Variants in TMLHE observed in about 807,000 individuals in gnomAD.
The protein encoded by TMLHE is trimethyllysine dioxygenase, mitochondrial.
TMLHE carries 18 observed loss-of-function variants against 25.7 expected under a neutral mutation model. That is an observed-to-expected ratio of 0.70 (90% confidence interval 0.48 to 1.04). The LOEUF is 1.04. Among genes scored for constraint, TMLHE ranks in the 50% least tolerant of loss-of-function variants. The probability of loss-of-function intolerance (pLI) is 0.00; values close to 1 mark genes in which losing one functional copy is unlikely to be tolerated. For synonymous variants in TMLHE, 105 were observed against 97.0 expected (o/e 1.08, Z -0.49); for missense variants, 236 against 259.0 (o/e 0.91, Z 0.61).
intron 5 of TMLHE, among the ~76,000 whole-genome samples, chrX:155,509,140 G>C (rs1245719824): frequency 9.0e-6 from 1 of 111,316 alleles, no homozygotes; most frequent in Admixed American, 9.6e-5. Flanking sequence ...GAAAATTATA[G>C]CTAATATTTA....
intron 1 of TMLHE, among the ~76,000 whole-genome samples, chrX:155,610,763 G>C (rs1403924330): frequency 9.0e-6 from 1 of 111,372 alleles, no homozygotes; most frequent in Non-Finnish European, 1.9e-5. Flanking sequence ...AAAATATTCA[G>C]GATGTAGAAG....
chrX:155,599,940 TC>T (rs1270689975), intron 1 of TMLHE, among the ~76,000 whole-genome samples: 6 of 111,431 alleles, frequency 5.4e-5, no homozygotes, highest in Admixed American at 9.6e-5. Flanking sequence ...CCTGAAATGT[TC>T]AGGACAGTCC....
chrX:155,512,737 G>A (rs1557333904), intron 4 of TMLHE, among the ~76,000 whole-genome samples: 1 of 111,709 alleles, frequency 9.0e-6, no homozygotes, highest in Non-Finnish European at 1.9e-5. Context: ...AGACACAGAA[G>A]TGATTAATGT....
intron 1 of TMLHE, among the ~76,000 whole-genome samples, chrX:155,575,387 G>A (rs1439040957): frequency 8.9e-6 from 1 of 111,990 alleles, no homozygotes; most frequent in African/African-American, 3.2e-5. Context: ...TAACATATGA[G>A]TCATTGGAGT....
rs782762915 is a variant in TMLHE at position 155,548,595 on chromosome X, T to C, written c.-1-3318A>G. 1.8e-3 allele frequency among the ~76,000 whole-genome samples: 193 copies of C among 108,265 alleles called. 1 individual carries two copies. Among genetic ancestry groups the C allele is most frequent in the Middle Eastern group, 4.6e-3 (1 of 216 alleles). The allele number at this position is 108,265 out of a possible 115,157, so 94.0% of individuals were successfully genotyped here. On this transcript the variant is annotated intron_variant, in intron 1 of 7. Transcript: ENST00000334398. Reference sequence around the variant, plus strand: ...CTAAAAAATACAAAAATTAGCCGGGTGTGGTGGCACACACCTGTATTCCCA... The same window carrying C: ...CTAAAAAATACAAAAATTAGCCGGGCGTGGTGGCACACACCTGTATTCCCA...
intron 1 of TMLHE, among the ~76,000 whole-genome samples, chrX:155,587,331 A>T (rs186494315): frequency 8.9e-6 from 1 of 111,761 alleles, no homozygotes; most frequent in Admixed American, 9.5e-5. Context: ...CATGATAAAA[A>T]CTCTCAACAA....
chrX:155,563,146 G>A lies in TMLHE; in HGVS notation c.-1-17869C>T, dbSNP rs782443792. On this transcript the variant is annotated intron_variant, in intron 1 of 7. Coordinates refer to ENST00000334398, the MANE Select transcript of TMLHE (RefSeq NM_018196.4). ...CTCCTGGTACCCATTTTCTGTATTC[G>A]TCCATTTTCACACTGCTATAAAGAA... Among the ~76,000 whole-genome samples, 8 of 61,982 alleles carry A rather than the reference G, an allele frequency of 1.3e-4. 3 individuals are homozygous for A. The highest frequency in any genetic ancestry group is 9.7e-4 in the South Asian group (1 of 1,032). The allele number at this position is 61,982 out of a possible 115,157, so 53.8% of individuals were successfully genotyped here. A position where few individuals can be genotyped will look rare whatever the true frequency, so the allele number is the denominator to read the frequency against.
chrX:155,588,474 A>G (rs2067677104), intron 1 of TMLHE, among the ~76,000 whole-genome samples: 1 of 111,967 alleles, frequency 8.9e-6, no homozygotes, highest in South Asian at 3.8e-4. Flanking sequence ...TATAATAAAA[A>G]CATACAAATG....
At chrX:155,601,649 A>C (rs1445234768) in intron 1 of TMLHE, among the ~76,000 whole-genome samples, 3 of 111,798 alleles carry the variant, frequency 2.7e-5, no homozygotes, top group African/African-American at 9.7e-5. Flanking sequence ...AAAGAAGTCA[A>C]GAAACATTAA....
chrX:155,531,404 T>TGA (rs1290599398), intron 2 of TMLHE, among the ~76,000 whole-genome samples: 3 of 110,728 alleles, frequency 2.7e-5, no homozygotes, highest in African/African-American at 9.9e-5. Flanking sequence ...TGACACATAG[T>TGA]GAGAGAGAGA....
At chrX:155,538,312 T>C (rs1311304014) in intron 2 of TMLHE, among the ~76,000 whole-genome samples, 1 of 112,054 alleles carries the variant, frequency 8.9e-6, no homozygotes, top group Non-Finnish European at 1.9e-5. Flanking sequence ...TCTGACTCTT[T>C]TTATGGCTGA....
At chrX:155,573,024 C>T (rs185514496) in intron 1 of TMLHE, among the ~76,000 whole-genome samples, 1 of 57,682 alleles carries the variant, frequency 1.7e-5, no homozygotes, top group Admixed American at 2.0e-4. Flanking sequence ...GCAAAAGAAA[C>T]TACCATCAGA....
chrX:155,547,384 T>C (rs2067357152), intron 1 of TMLHE, among the ~76,000 whole-genome samples: 1 of 110,867 alleles, frequency 9.0e-6, no homozygotes, highest in Non-Finnish European at 1.9e-5. Flanking sequence ...GACCTCGTGA[T>C]CCGCCGCCTC....
intron 1 of TMLHE, among the ~76,000 whole-genome samples, chrX:155,592,358 G>A (rs1166139873): frequency 6.2e-5 from 7 of 112,044 alleles, no homozygotes; most frequent in Admixed American, 1.9e-4. Context: ...CATAGAAAGT[G>A]CAACTAGCAA....
At chrX:155,548,604 A>T (rs375738260) in intron 1 of TMLHE, among the ~76,000 whole-genome samples, 15 of 107,200 alleles carry the variant, frequency 1.4e-4, no homozygotes, top group African/African-American at 3.6e-4. Flanking sequence ...GTGTGGTGGC[A>T]CACACCTGTA....
At chrX:155,532,234 C>T (rs2067252960) in intron 2 of TMLHE, among the ~76,000 whole-genome samples, 1 of 111,786 alleles carries the variant, frequency 8.9e-6, no homozygotes, top group South Asian at 3.7e-4. Context: ...GAAGGGTTAC[C>T]TACACACAGA....
intron 2 of TMLHE, among the ~76,000 whole-genome samples, chrX:155,534,479 C>A (rs184077458): frequency 2.8e-4 from 31 of 111,844 alleles, no homozygotes; most frequent in African/African-American, 9.8e-4. Context: ...AGTGATCTGC[C>A]TGCCTTAGCC....
Position 155,514,175 on chromosome X carries a change from A to G in TMLHE, c.449T>C (p.Ile150Thr). ...CTGGTAGATTTCAGCATTCCATAGT[A>G]TTCTAGGCTGGATGACTTTTTGTTT... ...GQKQKVIQPR[I>T]LWNAEIYQQA... Residue 150 changes from isoleucine (I) to threonine (T), a missense_variant, in exon 4 of 8, where the codon ATA becomes ACA. By Grantham distance (89) the Ile-to-Thr change is moderately conservative. This residue lies in a region of TMLHE where 217 missense variants were observed against 214.6 expected (regional missense o/e 1.01). Transcript: ENST00000334398. The G allele has an allele frequency of 8.3e-7, 1 of 1,211,233 alleles. No individual in the cohort carries two copies. Among genetic ancestry groups the G allele is most frequent in the Non-Finnish European group, 1.1e-6 (1 of 895,111 alleles).
At position 155,589,374 on chromosome X, in the gene TMLHE, C is replaced by T. The variant is rs201948079; in HGVS notation, c.-2+23418G>A. Among the ~76,000 whole-genome samples, 24 of 111,283 alleles carry T rather than the reference C, an allele frequency of 2.2e-4. No individual in the cohort carries two copies. In the East Asian group the frequency reaches 5.9e-3, roughly 27 times the overall value. Reference sequence around the variant, plus strand: ...CTAAGGCAGGAGAATTGCTTGAACCCGGGAGGCGGAGGTTGCAGTGAGCCA... The same window carrying T: ...CTAAGGCAGGAGAATTGCTTGAACCTGGGAGGCGGAGGTTGCAGTGAGCCA... On this transcript the variant is annotated intron_variant, in intron 1 of 7. Transcript: ENST00000334398.
Sources: allele counts gnomAD v4.1 joint callset (sites outside exome capture counted in the v4.1 genomes callset), GRCh38; gene constraint gnomAD v4.1.1; regional missense constraint gnomAD v4.1.1; transcripts MANE v1.5; gene names NCBI Gene and HGNC (gene_info 2026-07-23, HGNC 2026-07-21).